NEGR1: variants seen among roughly 807,000 people sequenced by gnomAD.
NEGR1 encodes the protein neuronal growth regulator 1, also known as IgLON family member 4.
In NEGR1, 10 loss-of-function variants were observed where a neutral mutation model predicts 40.9. The ratio of observed to expected loss-of-function variants is 0.24; its 90% CI spans 0.15 to 0.42. The LOEUF (loss-of-function observed/expected upper bound fraction) is 0.42. NEGR1 is among the 10% of genes least tolerant of loss of function. NEGR1 has a pLI of 1.00. For missense variants in NEGR1, 352 were observed against 438.9 expected (o/e 0.80, Z 1.77); for synonymous variants, 185 against 166.8 (o/e 1.11, Z -0.84).
intron 1 of NEGR1, among the ~76,000 whole-genome samples, chr1:72,252,350 C>T (rs1226919927): frequency 6.6e-6 from 1 of 152,180 alleles, no homozygotes; most frequent in Non-Finnish European, 1.5e-5. Context: ...AGCCTTCAGC[C>T]TTACTTCTTA....
At chr1:71,844,160 T>C (rs1267409647) in intron 2 of NEGR1, among the ~76,000 whole-genome samples, 1 of 152,192 alleles carries the variant, frequency 6.6e-6, no homozygotes. Context: ...AAATGTCAGG[T>C]AGCAGCCTCT....
chr1:71,705,391 A>G (rs903044956), intron 3 of NEGR1, among the ~76,000 whole-genome samples: 1 of 152,260 alleles, frequency 6.6e-6, no homozygotes, highest in East Asian at 1.9e-4. Context: ...GAATATACTA[A>G]TAAGTGGATT....
intron 1 of NEGR1, among the ~76,000 whole-genome samples, chr1:71,996,648 T>C (rs1406132646): frequency 6.6e-6 from 1 of 152,116 alleles, no homozygotes; most frequent in East Asian, 1.9e-4. Flanking sequence ...TTGATCCCAT[T>C]CCTTCTTGCC....
intron 6 of NEGR1, among the ~76,000 whole-genome samples, chr1:71,512,639 G>A (rs1432371218): frequency 6.6e-6 from 1 of 151,058 alleles, no homozygotes; most frequent in East Asian, 1.9e-4. Flanking sequence ...CTGGAGTGGA[G>A]CACTGAGATC....
intron 1 of NEGR1, among the ~76,000 whole-genome samples, chr1:72,121,852 T>G (rs1649817549): frequency 6.6e-6 from 1 of 151,974 alleles, no homozygotes; most frequent in Non-Finnish European, 1.5e-5. Context: ...CCTCCATTAC[T>G]GATCATCTTT....
At chr1:71,863,854 T>C (rs561616991) in intron 2 of NEGR1, among the ~76,000 whole-genome samples, 2 of 152,270 alleles carry the variant, frequency 1.3e-5, no homozygotes, top group South Asian at 2.1e-4. Context: ...CCCTTATTAA[T>C]AGAATATTAA....
At chr1:71,756,554 C>A (rs146801785) in intron 3 of NEGR1, among the ~76,000 whole-genome samples, 1 of 152,126 alleles carries the variant, frequency 6.6e-6, no homozygotes, top group Non-Finnish European at 1.5e-5. Flanking sequence ...ATAGAATATA[C>A]TTCCATGAAA....
At chr1:72,024,363 C>T (rs915057496) in intron 1 of NEGR1, among the ~76,000 whole-genome samples, 4 of 151,430 alleles carry the variant, frequency 2.6e-5, no homozygotes, top group Non-Finnish European at 4.4e-5. Flanking sequence ...TTATAAGGCA[C>T]CTATATAAGA....
intron 1 of NEGR1, among the ~76,000 whole-genome samples, chr1:72,274,346 T>G (rs1570211414): frequency 6.6e-6 from 1 of 152,112 alleles, no homozygotes; most frequent in East Asian, 1.9e-4. Context: ...TAACACAAAA[T>G]ATAAAGTCAT....
intron 1 of NEGR1, among the ~76,000 whole-genome samples, chr1:72,067,344 A>T (rs1247164997): frequency 6.6e-6 from 1 of 152,094 alleles, no homozygotes; most frequent in Admixed American, 6.6e-5. Flanking sequence ...TAAAAAGTTC[A>T]CAGAGTGAAC....
chr1:71,859,359 A>C (rs946988372), intron 2 of NEGR1, among the ~76,000 whole-genome samples: 3 of 152,010 alleles, frequency 2.0e-5, no homozygotes, highest in Non-Finnish European at 2.9e-5. Flanking sequence ...GCTTTACACA[A>C]AAGTTACTTT....
At chr1:71,820,084 C>T (rs1167709603) in intron 2 of NEGR1, among the ~76,000 whole-genome samples, 9 of 151,958 alleles carry the variant, frequency 5.9e-5, no homozygotes. Flanking sequence ...TGGGGTTGTA[C>T]TTTTATTTTT....
intron 6 of NEGR1, among the ~76,000 whole-genome samples, chr1:71,436,127 T>A: frequency 6.6e-6 from 1 of 151,642 alleles, no homozygotes; most frequent in East Asian, 1.9e-4. Flanking sequence ...TGAGAAACAA[T>A]AAATTCCTGC....
At chr1:71,767,322 G>A (rs148032625) in intron 3 of NEGR1, among the ~76,000 whole-genome samples, 1 of 152,076 alleles carries the variant, frequency 6.6e-6, no homozygotes, top group Non-Finnish European at 1.5e-5. Flanking sequence ...GGAATGTATT[G>A]GGAACTAGAG....
At chr1:72,108,246 C>T (rs1457300373) in intron 1 of NEGR1, among the ~76,000 whole-genome samples, 2 of 151,554 alleles carry the variant, frequency 1.3e-5, no homozygotes, top group African/African-American at 4.8e-5. Context: ...TTTTTACCAC[C>T]AAATATGGTG....
Position 71,407,278 on chromosome 1 carries a change from A to G in NEGR1, c.*168T>C, listed in dbSNP as rs1646284277. On this transcript the variant is annotated 3_prime_UTR_variant, in exon 7 of 7. Coordinates refer to ENST00000357731, the MANE Select transcript of NEGR1 (RefSeq NM_173808.3). The stretch of plus-strand genomic sequence containing the variant: ...ACAAGGTAATGTAGCTAATCAAAAA[A>G]GAGTAGAATTAAAGTATTTACATAA... 2 of 551,122 alleles carry G rather than the reference A, an allele frequency of 3.6e-6. No homozygotes were observed. Among genetic ancestry groups the G allele is most frequent in the Non-Finnish European group, 6.5e-6 (2 of 307,868 alleles). 34.1% of individuals were successfully genotyped at this position (551,122 alleles called of 1,614,324 possible).
At chr1:71,979,786 C>G (rs1646338593) in intron 1 of NEGR1, among the ~76,000 whole-genome samples, 1 of 152,006 alleles carries the variant, frequency 6.6e-6, no homozygotes, top group African/African-American at 2.4e-5. Context: ...GCTAAAAAAT[C>G]AGAGACACCA....
At chr1:71,552,589 T>C (rs1360710999) in intron 6 of NEGR1, among the ~76,000 whole-genome samples, 1 of 148,576 alleles carries the variant, frequency 6.7e-6, no homozygotes. Flanking sequence ...ATATATAGAA[T>C]ATATTCTATT....
chr1:72,012,726 T>A (rs1372289034), intron 1 of NEGR1, among the ~76,000 whole-genome samples: 1 of 151,626 alleles, frequency 6.6e-6, no homozygotes, highest in Non-Finnish European at 1.5e-5. Flanking sequence ...CTGCATATAT[T>A]TTTTCCAGAA....
Sources: gnomAD v4.1 joint callset for allele counts (sites outside exome capture counted in the v4.1 genomes callset) on GRCh38, gnomAD v4.1.1 for gene constraint, MANE v1.5 for transcripts, NCBI Gene and HGNC (gene_info 2026-07-23, HGNC 2026-07-21) for gene names.